Variants in CAND2 observed in about 807,000 individuals in gnomAD.
CAND2 encodes the protein cullin associated and neddylation dissociated 2 (putative).
A neutral mutation model predicts 98.9 loss-of-function variants in CAND2; 62 were observed. That is an observed-to-expected ratio of 0.63 (90% CI 0.51 to 0.77). The LOEUF (loss-of-function observed/expected upper bound fraction) is 0.77. Among genes scored for constraint, CAND2 ranks in the 30% least tolerant of loss-of-function variants. The pLI is 0.00. For missense variants in CAND2, 1,501 were observed against 1,655.2 expected, an observed-to-expected ratio of 0.91 and a Z score of 1.62; for synonymous variants, 770 against 731.9, an observed-to-expected ratio of 1.05 and a Z score of -0.84.
chr3:12,804,267 A>T (rs2061789305), intron 2 of CAND2, among the ~76,000 whole-genome samples: 1 of 152,126 alleles, frequency 6.6e-6, no homozygotes. Flanking sequence ...CAGCCTGACC[A>T]ACATGGTGAA....
rs200924732 is a variant in CAND2, at chr3:12,816,479, A to T, written c.1547A>T (p.His516Leu). ...GGCACCGAACCAGCTGAGGCCTTCC[A>T]CCCACACTTGCCTATCCTCCTGCCA... ...LLGTEPAEAF[H>L]PHLPILLPPV... Residue 516 changes from histidine (H) to leucine (L), a missense_variant, in exon 10 of 15, where the codon CAC (histidine) becomes CTC (leucine). His to Leu is a moderately conservative substitution (Grantham distance 99). This residue lies in a region of CAND2 where 1,427 missense variants were observed against 1,545.3 expected (regional missense o/e 0.92). Transcript: ENST00000456430. 3.7e-4 allele frequency: 599 copies of T among 1,613,836 alleles called. 2 individuals carry two copies. The African/African-American group carries it at 6.7e-3, about 18-fold the overall frequency.
chr3:12,812,385 G>C (rs570554544), intron 5 of CAND2, among the ~76,000 whole-genome samples: 1 of 144,524 alleles, frequency 6.9e-6, no homozygotes, highest in Non-Finnish European at 1.5e-5. Context: ...CACCGTGCCC[G>C]GCTAATTTTT....
chr3:12,814,747 G>GT (rs1471865442), intron 7 of CAND2, among the ~76,000 whole-genome samples: 1 of 152,142 alleles, frequency 6.6e-6, no homozygotes, highest in African/African-American at 2.4e-5. Context: ...TTGGAAGTCT[G>GT]TTTTTTCCCT....
At chr3:12,810,463 T>C (rs1187653355) in intron 5 of CAND2, 139 bp downstream of exon 5, 2 of 83,078 alleles carry the variant, frequency 2.4e-5, no homozygotes, top group Non-Finnish European at 3.3e-5. Context: ...GTAGGGAGGA[T>C]GGGGCGGGGC....
chr3:12,805,334 C>G lies in CAND2; in HGVS notation c.212+1703C>G, dbSNP rs1447973664. 4.0e-5 allele frequency among the ~76,000 whole-genome samples: 6 copies of G among 149,994 alleles called. No individual in the cohort carries two copies. The East Asian group carries it at 1.2e-3, about 29-fold the overall frequency. Reference sequence around the variant, plus strand: ...ACAGAGTCTCACTTTGTCACTCAGGCTGGAGTACAGTGGTGCAATCTCAGC... The same window carrying G: ...ACAGAGTCTCACTTTGTCACTCAGGGTGGAGTACAGTGGTGCAATCTCAGC... On this transcript the variant is annotated intron_variant, in intron 2 of 14. Transcript: ENST00000456430.
chr3:12,810,291 G>T lies in CAND2; in HGVS notation c.724G>T (p.Gly242Cys). The T allele has an allele frequency of 6.8e-7, 1 of 1,472,120 alleles. No individual in the cohort carries two copies. Among genetic ancestry groups the T allele is most frequent in the East Asian group, 2.8e-5 (1 of 36,228 alleles). 91.2% of individuals were successfully genotyped at this position (1,472,120 alleles called of 1,614,324 possible). The change falls in exon 5 of 15, where the codon GGC becomes TGC. Residue 242 changes from glycine to cysteine, a missense_variant. Physicochemically the swap from Gly to Cys is radical, Grantham distance 159 (BLOSUM62 -3). Around this residue, in one of 3 missense-constraint regions of CAND2, gnomAD observed 1,427 missense variants for 1,545.3 expected, o/e 0.92. Coordinates refer to ENST00000456430, the MANE Select transcript of CAND2 (RefSeq NM_001162499.2). Reference protein sequence around the residue: ...TAIRTLIQCLGSVGRQAGHRL... With the variant: ...TAIRTLIQCLCSVGRQAGHRL... ...CATCCGCACCCTGATCCAATGTTTG[G>T]GCAGCGTCGGCCGCCAGGCCGGCCA...
intron 2 of CAND2, among the ~76,000 whole-genome samples, chr3:12,805,441 C>A (rs2061799640): frequency 6.6e-6 from 1 of 152,062 alleles, no homozygotes; most frequent in African/African-American, 2.4e-5. Flanking sequence ...GCATGCACCA[C>A]CACACCCGGC....
intron 5 of CAND2, 89 bp downstream of exon 5, chr3:12,810,413 C>T (rs879211905): frequency 8.1e-7 from 1 of 1,238,710 alleles, no homozygotes; most frequent in Non-Finnish European, 1.0e-6. Flanking sequence ...GAGCTTGGGC[C>T]GCAGTGCAGC....
Position 12,800,779 on chromosome 3 carries a change from G to A in CAND2, c.69-2709G>A, listed in dbSNP as rs1044992693. On this transcript the variant is annotated intron_variant, in intron 1 of 14. Transcript: ENST00000456430. ...ACTCTGTCACCCAGGCTGGAGTGCT[G>A]TGGCACGATCTTGGCTCACTGCAAC... Among the ~76,000 whole-genome samples, 11 of 152,216 alleles carry A rather than the reference G, an allele frequency of 7.2e-5. 2 individuals carry two copies. The highest frequency in any genetic ancestry group is 1.3e-4 in the Admixed American group (2 of 15,288).
intron 2 of CAND2, among the ~76,000 whole-genome samples, chr3:12,805,374 C>T (rs4277668): frequency 0.48 from 73,287 of 151,156 alleles, 19,081 homozygotes; most frequent in Non-Finnish European, 0.6. Context: ...TGTGACCTCC[C>T]CCTCCCAGGT....
chr3:12,812,278 C>T (rs547881130), intron 5 of CAND2, among the ~76,000 whole-genome samples: 7 of 138,938 alleles, frequency 5.0e-5, no homozygotes, highest in East Asian at 4.5e-4. Flanking sequence ...GGCTGGAGTA[C>T]GGTGACGCTA....
chr3:12,813,105 G>A lies in CAND2; in HGVS notation c.863+10G>A. 2 of 1,572,136 alleles carry A rather than the reference G, an allele frequency of 1.3e-6. No individual in the cohort carries two copies. On this transcript the variant is annotated intron_variant, in intron 6 of 14. Transcript: ENST00000456430. ...AGGCCTTCTTGAGGAAGTATGTATG[G>A]TGGGGTTGCCTGGGGATCCCTTTGG...
chr3:12,815,940 G>C lies in CAND2; in HGVS notation c.1373G>C (p.Ser458Thr). The change falls in exon 9 of 15, where the codon AGC becomes ACC. Residue 458 changes from serine to threonine, a missense_variant. By Grantham distance (58) the Ser-to-Thr change is moderately conservative (BLOSUM62 1). Around this residue, in one of 3 missense-constraint regions of CAND2, gnomAD observed 1,427 missense variants for 1,545.3 expected, o/e 0.92. Transcript: ENST00000456430. This position sits in a 1 kb window ranked among gnomAD's most constrained non-coding sequence, Gnocchi z 5.7. ...GTCAGAGCCCGCCAGGGATGCTTCAGCCTCCTCACCGAGCTGGCGGGTGTC... is the reference window on the plus strand; with the variant it reads ...GTCAGAGCCCGCCAGGGATGCTTCACCCTCCTCACCGAGCTGGCGGGTGTC... ...RSVRARQGCF[S>T]LLTELAGVLP... 1 of 1,613,850 alleles carries C rather than the reference G, an allele frequency of 6.2e-7. No individual in the cohort carries two copies. The highest frequency in any genetic ancestry group is 1.1e-5 in the South Asian group (1 of 91,082).
In CAND2 at chr3:12,834,112, T is replaced by G; in HGVS notation, c.*130T>G. The G allele has an allele frequency of 1.4e-6, 1 of 727,668 alleles. No homozygotes were observed. Among genetic ancestry groups the G allele is most frequent in the Non-Finnish European group, 2.3e-6 (1 of 439,664 alleles). 45.1% of individuals were successfully genotyped at this position (727,668 alleles called of 1,614,324 possible). On this transcript the variant is annotated 3_prime_UTR_variant, in exon 15 of 15. Coordinates refer to ENST00000456430, the MANE Select transcript of CAND2 (RefSeq NM_001162499.2). ...ATCTCACTGGGGGCCCTGTCGCTCC[T>G]GGTCAGGGCTTACAGTGCCTTCTCC...
intron 5 of CAND2, among the ~76,000 whole-genome samples, chr3:12,811,358 G>C (rs2061850521): frequency 6.6e-6 from 1 of 152,152 alleles, no homozygotes; most frequent in Admixed American, 6.5e-5. Flanking sequence ...CTGTAGGGAA[G>C]GGTATGGCTG....
At chr3:12,831,717 A>C (rs976817595) in intron 14 of CAND2, 145 bp downstream of exon 14, 49 of 599,424 alleles carry the variant, frequency 8.2e-5, no homozygotes, top group Non-Finnish European at 1.2e-4. Flanking sequence ...TTGCCCTATA[A>C]AGTACCTCTT....
At chr3:12,810,925 A>G (rs2061847101) in intron 5 of CAND2, among the ~76,000 whole-genome samples, 1 of 152,236 alleles carries the variant, frequency 6.6e-6, no homozygotes, top group Non-Finnish European at 1.5e-5. Flanking sequence ...TGCCTTGTCC[A>G]GGAAGCCACT....
At position 12,817,129 on chromosome 3, in the gene CAND2, A is replaced by G. The variant is rs1353174389; in HGVS notation, c.2197A>G (p.Ser733Gly). ...CCAGCCAGCCTCTTTGGTGGAGGTC[A>G]GTGGCCCTGTGCTCTCAGAGCTGCT... ...QAQPASLVEV[S>G]GPVLSELLRL... The change falls in exon 10 of 15, where the codon AGT (serine) becomes GGT (glycine). Residue 733 changes from serine to glycine, a missense_variant. Transcript: ENST00000456430. The G allele has an allele frequency of 6.2e-7, 1 of 1,613,046 alleles. No homozygotes were observed.
chr3:12,816,847 G>GT lies in CAND2; in HGVS notation c.1916dup (p.Ser640IlefsTer6). The GT allele has an allele frequency of 6.2e-7, 1 of 1,613,772 alleles. No individual in the cohort carries two copies. Among genetic ancestry groups the GT allele is most frequent in the Non-Finnish European group, 8.5e-7 (1 of 1,180,028 alleles). On this transcript the variant is annotated frameshift_variant, in exon 10 of 15. Transcript: ENST00000456430. LOFTEE classifies it high-confidence loss of function. ...CATCAAGGCGCTTACGCTGGTGGCC[G>GT]TATCCCCACTACAGCTTGACCTACA...
Sources: gnomAD v4.1 joint callset for allele counts (sites outside exome capture counted in the v4.1 genomes callset) on GRCh38, gnomAD v4.1.1 for gene constraint, gnomAD v4.1.1 regional missense constraint, Gnocchi (gnomAD v3.1) non-coding constraint, MANE v1.5 for transcripts, NCBI Gene and HGNC (gene_info 2026-07-23, HGNC 2026-07-21) for gene names.